The following SYCP2L variants were observed in gnomAD, a reference collection of about 807,000 sequenced individuals.
SYCP2L encodes the protein synaptonemal complex protein 2 like.
Under a neutral mutation model 125.8 loss-of-function variants are expected in SYCP2L, and 98 were observed. The ratio of observed to expected loss-of-function variants is 0.78; its 90% CI spans 0.66 to 0.92. SYCP2L has a LOEUF of 0.92. Among genes scored for constraint, SYCP2L ranks in the 40% least tolerant of loss-of-function variants. The pLI is 0.00. For synonymous variants in SYCP2L, 317 were observed against 325.4 expected, an observed-to-expected ratio of 0.97 and a Z score of 0.28; for missense variants, 842 against 936.4, an observed-to-expected ratio of 0.90 and a Z score of 1.32.
At position 10,935,082 on chromosome 6, in the gene SYCP2L, A is replaced by G; in HGVS notation, c.1708A>G (p.Lys570Glu). 1.2e-6 allele frequency: 2 copies of G among 1,610,822 alleles called. No homozygotes were observed. Among genetic ancestry groups the G allele is most frequent in the Non-Finnish European group, 1.7e-6 (2 of 1,178,864 alleles). ...DQAKLLSPSE[K>E]EIPEQNNTTS... ...GGCTAAGCTTCTATCACCATCAGAG[A>G]AAGAAATACCCGAGCAAAATAACAC... Residue 570 changes from lysine to glutamate, a missense_variant, in exon 21 of 30, where the codon AAA becomes GAA. Lys to Glu is a moderately conservative substitution (Grantham distance 56). Coordinates refer to ENST00000283141, the MANE Select transcript of SYCP2L (RefSeq NM_001040274.3).
chr6:10,971,715 G>A (rs9468136), intron 29 of SYCP2L, among the ~76,000 whole-genome samples: 78,632 of 151,550 alleles, frequency 0.52, 20,823 homozygotes, highest in East Asian at 0.69. Context: ...AAGGAGTTTC[G>A]CTCTTGTTGC....
chr6:10,904,919 A>T (rs557100428), intron 8 of SYCP2L, among the ~76,000 whole-genome samples: 1 of 152,026 alleles, frequency 6.6e-6, no homozygotes, highest in South Asian at 2.1e-4. Flanking sequence ...AGGTGGGCGG[A>T]TCACTTGAGG....
At chr6:10,939,106 C>T (rs931853009) in intron 21 of SYCP2L, among the ~76,000 whole-genome samples, 12 of 150,544 alleles carry the variant, frequency 8.0e-5, no homozygotes, top group Non-Finnish European at 1.2e-4. Context: ...GGTGACACAA[C>T]GAGACTCCAT....
At chr6:10,902,296 C>T (rs1780391527) in intron 6 of SYCP2L, among the ~76,000 whole-genome samples, 1 of 152,126 alleles carries the variant, frequency 6.6e-6, no homozygotes, top group South Asian at 2.1e-4. Flanking sequence ...CTCACTTTCC[C>T]CCCTGCATTT....
chr6:10,923,241 G>A (rs1424696942), intron 14 of SYCP2L, among the ~76,000 whole-genome samples: 2 of 151,918 alleles, frequency 1.3e-5, no homozygotes, highest in Non-Finnish European at 2.9e-5. Context: ...GACTTACCTT[G>A]TACTTAATGT....
chr6:10,914,780 T>C (rs1211290209), intron 14 of SYCP2L, among the ~76,000 whole-genome samples: 3 of 140,528 alleles, frequency 2.1e-5, no homozygotes, highest in Non-Finnish European at 4.5e-5. Flanking sequence ...TCTTACTCTG[T>C]CACCCAGGCT....
chr6:10,891,437 TTGC>T (rs1561677802), intron 1 of SYCP2L, 73 bp from the exon 2 acceptor site: 52 of 662,696 alleles, frequency 7.8e-5, no homozygotes, highest in South Asian at 2.2e-4. Flanking sequence ...TTTTTTTTTT[TTGC>T]TTTGTGTTTA....
At chr6:10,903,434 G>C (rs1780422751) in intron 8 of SYCP2L, among the ~76,000 whole-genome samples, 2 of 152,200 alleles carry the variant, frequency 1.3e-5, no homozygotes, top group Non-Finnish European at 2.9e-5. Flanking sequence ...TGTAGTCCCA[G>C]CTACTCAGGA....
intron 14 of SYCP2L, among the ~76,000 whole-genome samples, chr6:10,919,582 G>A (rs764982560): frequency 1.3e-5 from 2 of 152,180 alleles, no homozygotes; most frequent in African/African-American, 2.4e-5. Flanking sequence ...TTTCCAGAGA[G>A]CATCAGCTAT....
At chr6:10,952,480 GTGT>G (rs1394513503) in intron 23 of SYCP2L, among the ~76,000 whole-genome samples, 1 of 152,068 alleles carries the variant, frequency 6.6e-6, no homozygotes, top group East Asian at 1.9e-4. Context: ...GATGTAACTA[GTGT>G]CTGTGCTGAC....
chr6:10,932,039 A>C (rs1781006663), intron 20 of SYCP2L, among the ~76,000 whole-genome samples: 1 of 107,170 alleles, frequency 9.3e-6, no homozygotes, highest in Non-Finnish European at 1.9e-5. Flanking sequence ...GAGGATGTTT[A>C]TTATGAATGA....
At chr6:10,925,609 T>G (rs991014709) in intron 15 of SYCP2L, among the ~76,000 whole-genome samples, 3 of 152,110 alleles carry the variant, frequency 2.0e-5, no homozygotes, top group Non-Finnish European at 4.4e-5. Context: ...GATAAGGAAG[T>G]CTTGGGCTGG....
chr6:10,928,553 A>G, intron 18 of SYCP2L, 103 bp downstream of exon 18: 2 of 1,398,434 alleles, frequency 1.4e-6, no homozygotes, highest in Non-Finnish European at 9.3e-7. Flanking sequence ...CTCCTGGCCA[A>G]CCATCTGTCA....
At chr6:10,948,036 T>TC (rs1175919668) in intron 23 of SYCP2L, among the ~76,000 whole-genome samples, 1 of 152,144 alleles carries the variant, frequency 6.6e-6, no homozygotes, top group Non-Finnish European at 1.5e-5. Context: ...TTTCTTTTTT[T>TC]CCCTCCAGCT....
At chr6:10,942,859 T>TTG in intron 23 of SYCP2L, 113 bp downstream of exon 23, 1 of 955,324 alleles carries the variant, frequency 1.0e-6, no homozygotes, top group Non-Finnish European at 1.6e-6. Context: ...GCACAGTGAC[T>TTG]ATTGCCAGGC....
chr6:10,904,944 C>G (rs1014918020), intron 8 of SYCP2L, among the ~76,000 whole-genome samples: 2 of 151,870 alleles, frequency 1.3e-5, no homozygotes, highest in Non-Finnish European at 2.9e-5. Context: ...GAGTTCGAGA[C>G]CAGCCTGACC....
chr6:10,961,546 T>G lies in SYCP2L; in HGVS notation c.2402T>G (p.Leu801Arg). The change falls in exon 28 of 30, where the codon CTG (leucine) becomes CGG (arginine). Residue 801 changes from leucine to arginine, a missense_variant. Coordinates refer to ENST00000283141, the MANE Select transcript of SYCP2L (RefSeq NM_001040274.3). ...QSADLQSFCDLQVLRFNSTQT... is the reference protein window; with the variant it reads ...QSADLQSFCDRQVLRFNSTQT... ...GCTGATCTGCAATCTTTCTGTGATCTGCAAGTGCTGAGGTACTTTGAAAGG... is the reference window on the plus strand; with the variant it reads ...GCTGATCTGCAATCTTTCTGTGATCGGCAAGTGCTGAGGTACTTTGAAAGG... The G allele has an allele frequency of 2.5e-6, 4 of 1,614,206 alleles. No individual in the cohort carries two copies. Among genetic ancestry groups the G allele is most frequent in the Non-Finnish European group, 3.4e-6 (4 of 1,180,010 alleles).
Position 10,912,528 on chromosome 6 carries a change from A to G in SYCP2L, c.919-145A>G, listed in dbSNP as rs1488265933. On this transcript the variant is annotated intron_variant, in intron 12 of 29. Transcript: ENST00000283141. The surrounding 1 kb of genome is among the most constrained non-coding windows in gnomAD (Gnocchi z 4.1). ...ATTGAGATCCTTCTGTTTTGCACAA[A>G]AGAGTCAGTCAATAGAGGCCCTATA... is the stretch of plus-strand genomic sequence containing the variant. The G allele has an allele frequency of 3.4e-6, 2 of 596,114 alleles. No homozygotes were observed. Among genetic ancestry groups the G allele is most frequent in the Non-Finnish European group, 2.9e-6 (1 of 346,840 alleles). The allele number at this position is 596,114 out of a possible 1,614,324, so 36.9% of individuals were successfully genotyped here. A position where few individuals can be genotyped will look rare whatever the true frequency, so the allele number is the denominator to read the frequency against.
chr6:10,942,810 A>G, intron 23 of SYCP2L, 64 bp downstream of exon 23: 1 of 1,437,762 alleles, frequency 7.0e-7, no homozygotes. Context: ...TGATTTTGGC[A>G]GACTGGGCTG....
Sources: gnomAD v4.1 joint callset for allele counts (sites outside exome capture counted in the v4.1 genomes callset) on GRCh38, gnomAD v4.1.1 for gene constraint, Gnocchi (gnomAD v3.1) non-coding constraint, MANE v1.5 for transcripts, NCBI Gene and HGNC (gene_info 2026-07-23, HGNC 2026-07-21) for gene names.